The following OGFR variants were observed in gnomAD, a reference collection of about 807,000 sequenced individuals.
OGFR encodes protein 7-60.
In OGFR, 18 loss-of-function variants were observed where a neutral mutation model predicts 33.6. The ratio of observed to expected loss-of-function variants is 0.54; its 90% confidence interval spans 0.37 to 0.80. The LOEUF is 0.80. Ranked by LOEUF, OGFR falls within the 30% of genes least tolerant of loss-of-function variation. OGFR has a pLI of 0.00. For missense variants in OGFR, 877 were observed against 955.8 expected (o/e 0.92, Z 1.09); for synonymous variants, 370 against 400.7 (o/e 0.92, Z 0.91).
In OGFR at chr20:62,811,543, G is replaced by A. The variant is rs1354080705; in HGVS notation, c.547G>A (p.Glu183Lys). 6.2e-7 allele frequency: 1 copy of A among 1,607,686 alleles called. No homozygotes were observed. The highest frequency in any genetic ancestry group is 1.1e-5 in the South Asian group (1 of 89,776). Residue 183 changes from glutamate to lysine, a missense_variant, in exon 6 of 7, where the codon GAG becomes AAG. Glu to Lys is a moderately conservative substitution (Grantham distance 56). This residue lies in a region of OGFR where 760 missense variants were observed against 736.0 expected (regional missense o/e 1.03). Transcript: ENST00000290291. ...LMLGFYGIRL[E>K]DRGTGTVGRA... ...GCTGGGCTTCTACGGGATCCGGCTG[G>A]AGGACCGAGGCACGGGCACGGTGGG...
At chr20:62,808,836 G>A (rs926650405) in intron 3 of OGFR, among the ~76,000 whole-genome samples, 1 of 151,906 alleles carries the variant, frequency 6.6e-6, no homozygotes, top group Non-Finnish European at 1.5e-5. Flanking sequence ...TTAGCCAGGT[G>A]TGGTAGCGTG....
chr20:62,808,166 C>A (rs760788733), intron 2 of OGFR, 81 bp from the exon 3 acceptor site: 4 of 1,080,362 alleles, frequency 3.7e-6, no homozygotes, highest in Non-Finnish European at 5.8e-6. Flanking sequence ...TTTGCAGATG[C>A]GCCTCCCCGA....
rs550514767 is a variant in OGFR at position 62,813,249 on chromosome 20, G to A, written c.1634G>A (p.Arg545His). ...AGCCCATCGGAGACCCCAGGCCCCC[G>A]CCCAGCAGGACCTGCAGGGGACGAG... ...AESPSETPGP[R>H]PAGPAGDEPA... is the part of the protein sequence containing the mutation. Residue 545 changes from arginine to histidine, a missense_variant, in exon 7 of 7, where the codon CGC becomes CAC. Physicochemically the swap from Arg to His is conservative, Grantham distance 29. This residue lies in a region of OGFR where 72 missense variants were observed against 181.8 expected (regional missense o/e 0.40). Coordinates refer to ENST00000290291, the MANE Select transcript of OGFR (RefSeq NM_007346.4). The A allele has an allele frequency of 5.2e-6, 8 of 1,548,518 alleles. No individual in the cohort carries two copies. Among genetic ancestry groups the A allele is most frequent in the East Asian group, 2.3e-5 (1 of 42,916 alleles).
chr20:62,807,421 C>G lies in OGFR; in HGVS notation c.172-116C>G. 4.7e-6 allele frequency: 4 copies of G among 856,428 alleles called. No individual in the cohort carries two copies. In the South Asian group the frequency reaches 6.1e-5, roughly 13 times the overall value. The allele number at this position is 856,428 out of a possible 1,614,324, so 53.1% of individuals were successfully genotyped here. Reference sequence around the variant, plus strand: ...AATGAGAGGGAGGAGCCATGAAACCCCCGCCCTTTAAAGACAGCTCTGTGG... The same window carrying G: ...AATGAGAGGGAGGAGCCATGAAACCGCCGCCCTTTAAAGACAGCTCTGTGG... On this transcript the variant is annotated intron_variant, in intron 1 of 6. Transcript: ENST00000290291.
chr20:62,807,270 T>A (rs1352220755), intron 1 of OGFR: 4 of 532,242 alleles, frequency 7.5e-6, no homozygotes, highest in Non-Finnish European at 1.0e-5. Context: ...CAAAGGGGCC[T>A]AGAGAAGGAG....
chr20:62,809,675 AGGATGGGG>A lies in OGFR; in HGVS notation c.398+23_398+30del, dbSNP rs1600774581. On this transcript the variant is annotated intron_variant, in intron 4 of 6. Coordinates refer to ENST00000290291, the MANE Select transcript of OGFR (RefSeq NM_007346.4). ...TCCTACATCCAGTGGTGAGTTGGGG[AGGATGGGG>A]GGATGGGGGGTTGGCGAGGCCACAG... 9 of 1,151,460 alleles carry A rather than the reference AGGATGGGG, an allele frequency of 7.8e-6. No homozygotes were observed. Among genetic ancestry groups the A allele is most frequent in the African/African-American group, 1.6e-5 (1 of 62,914 alleles). The allele number at this position is 1,151,460 out of a possible 1,614,324, so 71.3% of individuals were successfully genotyped here.
At chr20:62,810,062 G>A (rs913847141) in intron 4 of OGFR, among the ~76,000 whole-genome samples, 4 of 148,022 alleles carry the variant, frequency 2.7e-5, no homozygotes, top group South Asian at 2.2e-4. Context: ...TGTGGCAGGC[G>A]TCTTGGGGAC....
chr20:62,811,392 G>T, intron 5 of OGFR, 70 bp from the exon 6 acceptor site: 1 of 1,562,630 alleles, frequency 6.4e-7, no homozygotes, highest in South Asian at 1.2e-5. Flanking sequence ...CGGGACCCAC[G>T]GCCACCCCCA....
chr20:62,809,605 C>G lies in OGFR; in HGVS notation c.340C>G (p.Leu114Val). 6.2e-7 allele frequency: 1 copy of G among 1,605,078 alleles called. No individual in the cohort carries two copies. Among genetic ancestry groups the G allele is most frequent in the South Asian group, 1.1e-5 (1 of 90,994 alleles). The change falls in exon 4 of 7, where the codon CTT becomes GTT. Residue 114 changes from leucine (L) to valine (V), a missense_variant. By Grantham distance (32) the Leu-to-Val change is conservative (BLOSUM62 1). Around this residue, in one of 3 missense-constraint regions of OGFR, gnomAD observed 760 missense variants for 736.0 expected, o/e 1.03. Transcript: ENST00000290291. ...CCCAGGCTGTTTCATTGAGGACATT[C>G]TTCAGAACTGGACGGACAACTATGA... is the stretch of plus-strand genomic sequence containing the variant. ...LPNGCFIEDI[L>V]QNWTDNYDLL...
At position 62,811,690 on chromosome 20, in the gene OGFR, C is replaced by T. The variant is rs574505622; in HGVS notation, c.614+80C>T. On this transcript the variant is annotated intron_variant, in intron 6 of 6. Coordinates refer to ENST00000290291, the MANE Select transcript of OGFR (RefSeq NM_007346.4). ...CAGGTTTCGGGCAGGTCACAGAGCG[C>T]TGCTGCAGACGGAGAACTCCAGGGC... 3 of 1,418,926 alleles carry T rather than the reference C, an allele frequency of 2.1e-6. No homozygotes were observed. The Admixed American group carries it at 7.3e-5, about 35-fold the overall frequency. 87.9% of individuals were successfully genotyped at this position (1,418,926 alleles called of 1,614,324 possible).
In OGFR at chr20:62,811,544, A is replaced by C; in HGVS notation, c.548A>C (p.Glu183Ala). 6.2e-7 allele frequency: 1 copy of C among 1,607,678 alleles called. No individual in the cohort carries two copies. Among genetic ancestry groups the C allele is most frequent in the South Asian group, 1.1e-5 (1 of 89,788 alleles). ...CTGGGCTTCTACGGGATCCGGCTGG[A>C]GGACCGAGGCACGGGCACGGTGGGC... ...LMLGFYGIRL[E>A]DRGTGTVGRA... Residue 183 changes from glutamate to alanine, a missense_variant, in exon 6 of 7, where the codon GAG becomes GCG. By Grantham distance (107) the Glu-to-Ala change is moderately radical. Coordinates refer to ENST00000290291, the MANE Select transcript of OGFR (RefSeq NM_007346.4).
In OGFR at chr20:62,807,580, T is replaced by C. The variant is rs367868886; in HGVS notation, c.215T>C (p.Met72Thr). The C allele has an allele frequency of 1.1e-5, 18 of 1,612,994 alleles. No individual in the cohort carries two copies. The highest frequency in any genetic ancestry group is 1.5e-5 in the Non-Finnish European group (18 of 1,179,876). The change falls in exon 2 of 7, where the codon ATG (methionine) becomes ACG (threonine). Residue 72 changes from methionine to threonine, a missense_variant. Around this residue, in one of 3 missense-constraint regions of OGFR, gnomAD observed 760 missense variants for 736.0 expected, o/e 1.03. Transcript: ENST00000290291. Reference sequence around the variant, plus strand: ...AGAAACTGGCGAGCCACGAGGGACATGTGTAGGTATCGGCACAACTATCCG... The same window carrying C: ...AGAAACTGGCGAGCCACGAGGGACACGTGTAGGTATCGGCACAACTATCCG... ...GSRNWRATRD[M>T]CRYRHNYPDL...
At chr20:62,809,818 C>T (rs1044929744) in intron 4 of OGFR, among the ~76,000 whole-genome samples, 155 bp downstream of exon 4, 1 of 152,238 alleles carries the variant, frequency 6.6e-6, no homozygotes, top group Non-Finnish European at 1.5e-5. Flanking sequence ...ATGGACATTA[C>T]TGGACATGCA....
chr20:62,804,975 G>C lies in OGFR; in HGVS notation c.116G>C (p.Gly39Ala). The C allele has an allele frequency of 6.7e-7, 1 of 1,487,024 alleles. No homozygotes were observed. 92.1% of individuals were successfully genotyped at this position (1,487,024 alleles called of 1,614,324 possible). A position where few individuals can be genotyped will look rare whatever the true frequency, so the allele number is the denominator to read the frequency against. ...GCCGGCGCGAGGGACGCGGACGCAG[G>C]GGACGAGGACGAGGAGTCGGAGGAG... ...EAAGARDADA[G>A]DEDEESEEPR... Residue 39 changes from glycine (G) to alanine (A), a missense_variant, in exon 1 of 7, where the codon GGG becomes GCG. Coordinates refer to ENST00000290291, the MANE Select transcript of OGFR (RefSeq NM_007346.4).
Position 62,809,603 on chromosome 20 carries a change from T to C in OGFR, c.338T>C (p.Ile113Thr). The change falls in exon 4 of 7, where the codon ATT (isoleucine) becomes ACT (threonine). Residue 113 changes from isoleucine to threonine, a missense_variant. Around this residue, in one of 3 missense-constraint regions of OGFR, gnomAD observed 760 missense variants for 736.0 expected, o/e 1.03. Coordinates refer to ENST00000290291, the MANE Select transcript of OGFR (RefSeq NM_007346.4). ...CTCCCAGGCTGTTTCATTGAGGACA[T>C]TCTTCAGAACTGGACGGACAACTAT... ...FLPNGCFIED[I>T]LQNWTDNYDL... The C allele has an allele frequency of 1.2e-6, 2 of 1,611,622 alleles. No homozygotes were observed. Among genetic ancestry groups the C allele is most frequent in the Non-Finnish European group, 1.7e-6 (2 of 1,179,194 alleles).
chr20:62,810,432 C>T (rs1023210200), intron 4 of OGFR, 67 bp from the exon 5 acceptor site: 19 of 1,513,616 alleles, frequency 1.3e-5, no homozygotes, highest in Admixed American at 1.2e-4. Context: ...GGCTACACAG[C>T]GAGCACCTGC....
Position 62,811,433 on chromosome 20 carries a change from C to T in OGFR, c.466-29C>T, listed in dbSNP as rs565747411. ...AGGAACCGGGGCTTCAGGGATGGTGCCTGAGCTCTCCAAGGGGGTCTTTTC... is the reference window on the plus strand; with the variant it reads ...AGGAACCGGGGCTTCAGGGATGGTGTCTGAGCTCTCCAAGGGGGTCTTTTC... On this transcript the variant is annotated intron_variant, in intron 5 of 6. Transcript: ENST00000290291. 7 of 1,606,810 alleles carry T rather than the reference C, an allele frequency of 4.4e-6. No homozygotes were observed. The Admixed American group carries it at 8.4e-5, about 19-fold the overall frequency.
intron 5 of OGFR, 151 bp downstream of exon 5, chr20:62,810,716 A>G: frequency 4.7e-6 from 3 of 640,858 alleles, no homozygotes; most frequent in Middle Eastern, 4.3e-4. Context: ...AGCCTCCAGT[A>G]TGATGACCTT....
rs1180684851 is a variant in OGFR, at chr20:62,813,280, C to G, written c.1665C>G (p.Ala555=). The part of the protein sequence containing the change: ...RPAGPAGDEP[A]ESPSETPGPR... ...CAGGACCTGCAGGGGACGAGCCAGC[C>G]GAGAGCCCATCGGAGACCCCAGGCC... The change falls in exon 7 of 7, where the codon GCC becomes GCG. Residue 555 remains alanine, a synonymous_variant. Coordinates refer to ENST00000290291, the MANE Select transcript of OGFR (RefSeq NM_007346.4). The G allele has an allele frequency of 1.6e-5, 24 of 1,463,646 alleles. No individual in the cohort carries two copies. Among genetic ancestry groups the G allele is most frequent in the Non-Finnish European group, 2.2e-5 (24 of 1,093,848 alleles). 90.7% of individuals were successfully genotyped at this position (1,463,646 alleles called of 1,614,324 possible). A position where few individuals can be genotyped will look rare whatever the true frequency, so the allele number is the denominator to read the frequency against.
Sources: allele counts gnomAD v4.1 joint callset (sites outside exome capture counted in the v4.1 genomes callset), GRCh38; gene constraint gnomAD v4.1.1; regional missense constraint gnomAD v4.1.1; transcripts MANE v1.5; gene names NCBI Gene and HGNC (gene_info 2026-07-23, HGNC 2026-07-21).